The following ARHGEF28 variants were observed in gnomAD, a reference collection of about 807,000 sequenced individuals.
ARHGEF28 encodes the protein 190 kDa guanine nucleotide exchange factor.
ARHGEF28 carries 152 observed loss-of-function variants against 206.6 expected under a neutral mutation model. The ratio of observed to expected loss-of-function variants is 0.74; its 90% CI spans 0.64 to 0.84. The LOEUF is 0.84. ARHGEF28 is among the 40% of genes least tolerant of loss of function. The probability of loss-of-function intolerance (pLI) is 0.00; values close to 1 mark genes in which losing one functional copy is unlikely to be tolerated. For missense variants in ARHGEF28, 2,028 were observed against 2,073.2 expected (o/e 0.98, Z 0.42); for synonymous variants, 763 against 776.4 (o/e 0.98, Z 0.29).
intron 2 of ARHGEF28, among the ~76,000 whole-genome samples, chr5:73,687,588 A>G (rs1364928609): frequency 3.9e-5 from 6 of 152,088 alleles, no homozygotes; most frequent in African/African-American, 1.4e-4. Flanking sequence ...GAGCAGACTC[A>G]AAACTGTCCT....
At chr5:73,882,078 A>ATT (rs11411598) in intron 22 of ARHGEF28, among the ~76,000 whole-genome samples, 6 of 147,730 alleles carry the variant, frequency 4.1e-5, no homozygotes, top group African/African-American at 7.5e-5. Flanking sequence ...CAAATGAGTG[A>ATT]TTTTTTTTGG....
intron 21 of ARHGEF28, among the ~76,000 whole-genome samples, chr5:73,871,856 T>C (rs892355404): frequency 2.0e-5 from 3 of 152,242 alleles, no homozygotes; most frequent in Non-Finnish European, 2.9e-5. Flanking sequence ...TAGTACAATA[T>C]GTGGTCTTTT....
chr5:73,661,059 A>C (rs1019230687), intron 1 of ARHGEF28, among the ~76,000 whole-genome samples: 2 of 152,224 alleles, frequency 1.3e-5, no homozygotes, highest in African/African-American at 4.8e-5. Context: ...GTCCTAGATT[A>C]CATCTTTTTC....
intron 2 of ARHGEF28, among the ~76,000 whole-genome samples, chr5:73,698,539 C>T (rs1051887646): frequency 4.6e-5 from 7 of 152,072 alleles, no homozygotes; most frequent in African/African-American, 1.7e-4. Context: ...TGAAAGACGT[C>T]TTTGGGAGCC....
intron 2 of ARHGEF28, among the ~76,000 whole-genome samples, chr5:73,713,651 G>C (rs530536636): frequency 1.3e-5 from 2 of 152,222 alleles, no homozygotes; most frequent in Admixed American, 6.5e-5. Context: ...TTTTTTTGGT[G>C]GGGGGAGGGT....
chr5:73,882,004 C>T (rs1322855783), intron 22 of ARHGEF28, among the ~76,000 whole-genome samples: 1 of 152,070 alleles, frequency 6.6e-6, no homozygotes, highest in Non-Finnish European at 1.5e-5. Context: ...TGGACATGGT[C>T]ATTAGCCAGT....
At chr5:73,795,049 G>A (rs924418865) in intron 8 of ARHGEF28, among the ~76,000 whole-genome samples, 5 of 152,164 alleles carry the variant, frequency 3.3e-5, no homozygotes, top group Non-Finnish European at 5.9e-5. Flanking sequence ...ATAGATATTT[G>A]ACAACAATGT....
intron 35 of ARHGEF28, among the ~76,000 whole-genome samples, chr5:73,919,551 G>T (rs1763402946): frequency 6.6e-6 from 1 of 152,210 alleles, no homozygotes; most frequent in African/African-American, 2.4e-5. Flanking sequence ...GGGATGGAAA[G>T]CTTCCTATCT....
chr5:73,782,471 A>T lies in ARHGEF28; in HGVS notation c.910+1726A>T, dbSNP rs186814500. 5.8e-4 allele frequency among the ~76,000 whole-genome samples: 88 copies of T among 152,198 alleles called. 1 individual carries two copies. The highest frequency in any genetic ancestry group is 6.8e-3 in the Middle Eastern group (2 of 294). ...AAACAAAACAAAACAAAACAAGATT[A>T]AAAAAACTAGTGTTAGAGAAGGCAT... is the stretch of plus-strand genomic sequence containing the variant. On this transcript the variant is annotated intron_variant, in intron 7 of 35. Coordinates refer to ENST00000513042, the MANE Select transcript of ARHGEF28 (RefSeq NM_001177693.2).
Position 73,911,528 on chromosome 5 carries a change from A to G in ARHGEF28, c.4901A>G (p.His1634Arg), listed in dbSNP as rs1762906748. ...HKLWTAAGSG[H>R]QILPFHESSK... Reference sequence around the variant, plus strand: ...CTGTGGACAGCCGCTGGTTCCGGCCATCAGATACTTCCTTTCCATGAAAGC... The same window carrying G: ...CTGTGGACAGCCGCTGGTTCCGGCCGTCAGATACTTCCTTTCCATGAAAGC... The change falls in exon 35 of 36, where the codon CAT becomes CGT. Residue 1634 changes from histidine to arginine, a missense_variant. Physicochemically the swap from His to Arg is conservative, Grantham distance 29. Around this residue, in one of 3 missense-constraint regions of ARHGEF28, gnomAD observed 803 missense variants for 768.0 expected, o/e 1.05. Transcript: ENST00000513042. The G allele has an allele frequency of 2.5e-6, 4 of 1,612,704 alleles. No individual in the cohort carries two copies. Among genetic ancestry groups the G allele is most frequent in the Admixed American group, 3.3e-5 (2 of 59,818 alleles).
At chr5:73,632,259 C>G (rs1250991653) in intron 1 of ARHGEF28, among the ~76,000 whole-genome samples, 1 of 152,080 alleles carries the variant, frequency 6.6e-6, no homozygotes, top group African/African-American at 2.4e-5. Flanking sequence ...TTAGTCCTTC[C>G]CAGATGTAAA....
rs372165831 is a variant in ARHGEF28, at chr5:73,773,495, CTT to C, written c.476-358_476-357del. Among the ~76,000 whole-genome samples the C allele has an allele frequency of 7.2e-4, 109 of 152,300 alleles. No homozygotes were observed. The South Asian group carries it at 0.014, about 19-fold the overall frequency. ...AGCAGCAGGATCTCCTCAAGGAACT[CTT>C]TGCATATCAACAAGTGTCTGTTTCC... On this transcript the variant is annotated intron_variant, in intron 4 of 35. Transcript: ENST00000513042.
At chr5:73,782,947 CT>C (rs1753933574) in intron 7 of ARHGEF28, among the ~76,000 whole-genome samples, 2 of 152,156 alleles carry the variant, frequency 1.3e-5, no homozygotes, top group African/African-American at 2.4e-5. Flanking sequence ...AGCCTCTGCC[CT>C]TACTTTTTCT....
At chr5:73,705,278 C>G (rs990553419) in intron 2 of ARHGEF28, among the ~76,000 whole-genome samples, 1 of 152,200 alleles carries the variant, frequency 6.6e-6, no homozygotes, top group Non-Finnish European at 1.5e-5. Context: ...TTAAAAAACA[C>G]TTTAAAGATA....
At chr5:73,641,141 A>G (rs1744065323) in intron 1 of ARHGEF28, among the ~76,000 whole-genome samples, 1 of 152,224 alleles carries the variant, frequency 6.6e-6, no homozygotes, top group Admixed American at 6.5e-5. Context: ...TAGCTAGAGG[A>G]TAAGACCACT....
intron 2 of ARHGEF28, among the ~76,000 whole-genome samples, chr5:73,747,593 G>T (rs1156334506): frequency 6.6e-6 from 1 of 152,024 alleles, no homozygotes; most frequent in Non-Finnish European, 1.5e-5. Context: ...CTGTCTAAGT[G>T]GGTCTCTCTG....
At chr5:73,868,833 G>C (rs1466735260) in intron 20 of ARHGEF28, among the ~76,000 whole-genome samples, 1 of 152,306 alleles carries the variant, frequency 6.6e-6, no homozygotes, top group East Asian at 1.9e-4. Flanking sequence ...TGTTCGTAGA[G>C]ATGGGGTTTC....
chr5:73,818,172 G>C (rs890424466), intron 9 of ARHGEF28, among the ~76,000 whole-genome samples: 2 of 152,084 alleles, frequency 1.3e-5, no homozygotes, highest in African/African-American at 4.8e-5. Flanking sequence ...AAAAGATACA[G>C]TTAGAGAGAT....
chr5:73,749,143 C>A lies in ARHGEF28; in HGVS notation c.34-694C>A, dbSNP rs1751895739. On this transcript the variant is annotated intron_variant, in intron 2 of 35. Transcript: ENST00000513042. ...AGTGTGAGGAAAGAGCACTTGGAAA[C>A]CCCTCAGAGAAGAGAAATAGCAAAT... is the stretch of plus-strand genomic sequence containing the variant. 2.0e-5 allele frequency among the ~76,000 whole-genome samples: 3 copies of A among 152,154 alleles called. No homozygotes were observed. In the South Asian group the frequency reaches 6.2e-4, roughly 32 times the overall value.
Sources: gnomAD v4.1 joint callset for allele counts (sites outside exome capture counted in the v4.1 genomes callset) on GRCh38, gnomAD v4.1.1 for gene constraint, gnomAD v4.1.1 regional missense constraint, MANE v1.5 for transcripts, NCBI Gene and HGNC (gene_info 2026-07-23, HGNC 2026-07-21) for gene names.